Variants in TMEM44 observed in about 807,000 individuals in gnomAD.
TMEM44 encodes the protein transmembrane protein 44.
A neutral mutation model predicts 47.8 loss-of-function variants in TMEM44; 43 were observed. The observed-to-expected ratio is 0.90, with a 90% CI of 0.70 to 1.16. The LOEUF (loss-of-function observed/expected upper bound fraction) is 1.16. TMEM44 is among the 50% of genes most tolerant of loss of function. The probability of loss-of-function intolerance (pLI) is 0.00; values close to 1 mark genes in which losing one functional copy is unlikely to be tolerated. For missense variants in TMEM44, 568 were observed against 555.2 expected (o/e 1.02, Z -0.23); for synonymous variants, 277 against 238.8 (o/e 1.16, Z -1.48).
At chr3:194,631,704 C>A (rs969333104) in intron 1 of TMEM44, among the ~76,000 whole-genome samples, 1 of 152,150 alleles carries the variant, frequency 6.6e-6, no homozygotes, top group Non-Finnish European at 1.5e-5. Flanking sequence ...GGCTTTGCTC[C>A]GTACCCTGTT....
At chr3:194,613,247 G>A (rs1324030599) in intron 7 of TMEM44, among the ~76,000 whole-genome samples, 3 of 151,840 alleles carry the variant, frequency 2.0e-5, no homozygotes, top group African/African-American at 2.4e-5. Context: ...GCACGATCCC[G>A]GCTCACTGCA....
chr3:194,609,558 C>A (rs938178736), intron 8 of TMEM44, among the ~76,000 whole-genome samples: 2 of 152,134 alleles, frequency 1.3e-5, no homozygotes, highest in Non-Finnish European at 2.9e-5. Context: ...CTCGACAAGA[C>A]AGTCTTGGTG....
intron 9 of TMEM44, among the ~76,000 whole-genome samples, chr3:194,598,100 T>A (rs7643101): frequency 0.43 from 64,997 of 151,898 alleles, 14,778 homozygotes; most frequent in East Asian, 0.77. Flanking sequence ...TGCTATGGAG[T>A]TGTACAGAAA....
At chr3:194,595,885 A>C (rs1713346033) in intron 9 of TMEM44, among the ~76,000 whole-genome samples, 4 of 152,030 alleles carry the variant, frequency 2.6e-5, no homozygotes. Flanking sequence ...TCAGCCTCCC[A>C]AAGTGCTGGG....
chr3:194,610,858 C>G (rs1292775946), intron 8 of TMEM44, 58 bp downstream of exon 8: 2 of 1,468,118 alleles, frequency 1.4e-6, no homozygotes, highest in Non-Finnish European at 1.9e-6. Context: ...CTCCAGGAAG[C>G]CTTCCATGAC....
At chr3:194,595,108 TAGA>T (rs751745110) in intron 9 of TMEM44, among the ~76,000 whole-genome samples, 24 of 152,208 alleles carry the variant, frequency 1.6e-4, no homozygotes, top group South Asian at 4.1e-4. Flanking sequence ...ATTCTATCCT[TAGA>T]AGAAGGCCTC....
chr3:194,632,970 T>C, intron 1 of TMEM44, 109 bp downstream of exon 1: 1 of 1,433,944 alleles, frequency 7.0e-7, no homozygotes, highest in Admixed American at 2.1e-5. Context: ...TACTGAGCCA[T>C]CTCCTTCATC....
At position 194,625,914 on chromosome 3, in the gene TMEM44, T is replaced by C. The variant is rs1395493022; in HGVS notation, c.341A>G (p.Lys114Arg). The C allele has an allele frequency of 2.5e-6, 4 of 1,613,428 alleles. No individual in the cohort carries two copies. Among genetic ancestry groups the C allele is most frequent in the Non-Finnish European group, 3.4e-6 (4 of 1,179,524 alleles). The change falls in exon 3 of 10, where the codon AAA (lysine) becomes AGA (arginine). Residue 114 changes from lysine (K) to arginine (R), a missense_variant. Transcript: ENST00000347147. ...MFILFPVCGSKFKSNSDREAR... is the reference protein window; with the variant it reads ...MFILFPVCGSRFKSNSDREAR... Reference sequence around the variant, plus strand: ...ACACTCACCTGAATTAGACTTGAATTTGGATCCACAGACTGGGAAGAGAAT... The same window carrying C: ...ACACTCACCTGAATTAGACTTGAATCTGGATCCACAGACTGGGAAGAGAAT...
chr3:194,588,957 A>C, intron 9 of TMEM44: 2 of 298,806 alleles, frequency 6.7e-6, no homozygotes, highest in East Asian at 7.7e-5. Flanking sequence ...CCTTATCCTG[A>C]CTCCATGCCT....
chr3:194,631,310 A>T (rs907300906), intron 1 of TMEM44, among the ~76,000 whole-genome samples: 3 of 151,870 alleles, frequency 2.0e-5, no homozygotes, highest in Non-Finnish European at 2.9e-5. Context: ...ATTTCTCTGG[A>T]GACACCGAGA....
At position 194,615,626 on chromosome 3, in the gene TMEM44, C is replaced by T. The variant is rs758358505; in HGVS notation, c.855G>A (p.Glu285=). ...QALGFAKEAR[E]SPDTQALLTC... is the part of the protein sequence containing the mutation. ...TCAAAAGGGCTTGGGTGTCAGGGCT[C>T]TCTCTGGCTTCCTTGGCAAATCCTA... The change falls in exon 7 of 10, where the codon GAG becomes GAA. Residue 285 remains glutamate, a synonymous_variant. Coordinates refer to ENST00000347147, the MANE Select transcript of TMEM44 (RefSeq NM_001011655.3). The T allele has an allele frequency of 8.7e-6, 14 of 1,614,202 alleles. No homozygotes were observed. The highest frequency in any genetic ancestry group is 2.7e-5 in the African/African-American group (2 of 75,044).
intron 5 of TMEM44, among the ~76,000 whole-genome samples, chr3:194,620,791 C>T (rs978069591): frequency 1.3e-5 from 2 of 151,712 alleles, no homozygotes; most frequent in African/African-American, 4.8e-5. Context: ...CTCTGGGAGG[C>T]CAAGGCGGGC....
chr3:194,598,577 C>T (rs567036752), intron 9 of TMEM44, among the ~76,000 whole-genome samples: 88 of 152,262 alleles, frequency 5.8e-4, no homozygotes, highest in Non-Finnish European at 9.8e-4. Flanking sequence ...TTAAGGCAAA[C>T]GGTGCTGGGA....
intron 5 of TMEM44, among the ~76,000 whole-genome samples, chr3:194,621,242 C>T (rs1251334054): frequency 1.3e-5 from 2 of 152,158 alleles, no homozygotes; most frequent in Admixed American, 6.5e-5. Context: ...AGGGGCTACC[C>T]GAACCTGGGA....
intron 9 of TMEM44, among the ~76,000 whole-genome samples, chr3:194,590,548 C>A (rs576262306): frequency 6.6e-6 from 1 of 152,186 alleles, no homozygotes; most frequent in Non-Finnish European, 1.5e-5. Flanking sequence ...AAGTAGGGCC[C>A]TGTTCTGTTC....
intron 9 of TMEM44, among the ~76,000 whole-genome samples, chr3:194,603,211 G>T (rs66708454): frequency 6.6e-6 from 1 of 152,320 alleles, no homozygotes; most frequent in South Asian, 2.1e-4. Flanking sequence ...GCCTGTGTGT[G>T]ATCCAAGCTG....
Position 194,625,768 on chromosome 3 carries a change from C to A in TMEM44, c.358+129G>T, listed in dbSNP as rs1346000859. On this transcript the variant is annotated intron_variant, in intron 3 of 9. Coordinates refer to ENST00000347147, the MANE Select transcript of TMEM44 (RefSeq NM_001011655.3). ...GTGCTGGGATTCCAGGCGTGAGCCACCGCGCCCAGCCTTTCTCCTTTGTTT... is the reference window on the plus strand; with the variant it reads ...GTGCTGGGATTCCAGGCGTGAGCCAACGCGCCCAGCCTTTCTCCTTTGTTT... 5 of 793,618 alleles carry A rather than the reference C, an allele frequency of 6.3e-6. No homozygotes were observed. The African/African-American group carries it at 8.6e-5, about 14-fold the overall frequency. The allele number at this position is 793,618 out of a possible 1,614,324, so 49.2% of individuals were successfully genotyped here. A position where few individuals can be genotyped will look rare whatever the true frequency, so the allele number is the denominator to read the frequency against.
At position 194,593,286 on chromosome 3, in the gene TMEM44, T is replaced by C. The variant is rs73080775; in HGVS notation, c.1177-4647A>G. On this transcript the variant is annotated intron_variant, in intron 9 of 9. Coordinates refer to ENST00000347147, the MANE Select transcript of TMEM44 (RefSeq NM_001011655.3). Reference sequence around the variant, plus strand: ...AGTTAAATGATCAATGAGATAGTTATGATAATTATGAAGGGCTGCACGTCC... The same window carrying C: ...AGTTAAATGATCAATGAGATAGTTACGATAATTATGAAGGGCTGCACGTCC... Among the ~76,000 whole-genome samples, 1,322 of 152,238 alleles carry C rather than the reference T, an allele frequency of 8.7e-3. 9 individuals are homozygous for C. Among genetic ancestry groups the C allele is most frequent in the African/African-American group, 0.016 (660 of 41,534 alleles).
intron 3 of TMEM44, among the ~76,000 whole-genome samples, chr3:194,625,591 C>T (rs1305256116): frequency 1.3e-5 from 2 of 152,224 alleles, no homozygotes; most frequent in African/African-American, 4.8e-5. Flanking sequence ...AGCGATTCTC[C>T]TGCCTCAGCT....
Sources: allele counts gnomAD v4.1 joint callset (sites outside exome capture counted in the v4.1 genomes callset), GRCh38; gene constraint gnomAD v4.1.1; transcripts MANE v1.5; gene names NCBI Gene and HGNC (gene_info 2026-07-23, HGNC 2026-07-21).